Variants in CKAP2L observed in about 807,000 individuals in gnomAD.
CKAP2L encodes cytoskeleton associated protein 2L.
A neutral mutation model predicts 65.7 loss-of-function variants in CKAP2L; 42 were observed. The ratio of observed to expected loss-of-function variants is 0.64; its 90% CI spans 0.50 to 0.83. The LOEUF is 0.83. Among genes scored for constraint, CKAP2L ranks in the 40% least tolerant of loss-of-function variants. CKAP2L has a pLI of 0.00. For synonymous variants in CKAP2L, 325 were observed against 313.5 expected (o/e 1.04, Z -0.39); for missense variants, 908 against 871.0 (o/e 1.04, Z -0.53).
At chr2:112,739,512 G>A (rs931992477) in intron 8 of CKAP2L, among the ~76,000 whole-genome samples, 4 of 152,206 alleles carry the variant, frequency 2.6e-5, no homozygotes, top group African/African-American at 9.7e-5. Flanking sequence ...ATTGAATGAA[G>A]TATGAAGTGT....
chr2:112,742,356 G>C (rs1680035858), intron 7 of CKAP2L: 1 of 716,814 alleles, frequency 1.4e-6, no homozygotes, highest in Admixed American at 2.0e-5. Flanking sequence ...TGAGTATGTT[G>C]GTGGGTTTAT....
chr2:112,750,166 C>T (rs1680322618), intron 5 of CKAP2L, among the ~76,000 whole-genome samples: 1 of 152,188 alleles, frequency 6.6e-6, no homozygotes, highest in Non-Finnish European at 1.5e-5. Context: ...ATACCCTAAC[C>T]TCTCTTTGTT....
chr2:112,755,959 A>C lies in CKAP2L; in HGVS notation c.1394+18T>G. 1 of 1,532,222 alleles carries C rather than the reference A, an allele frequency of 6.5e-7. No homozygotes were observed. Among genetic ancestry groups the C allele is most frequent in the African/African-American group, 1.4e-5 (1 of 72,050 alleles). The allele number at this position is 1,532,222 out of a possible 1,614,324, so 94.9% of individuals were successfully genotyped here. On this transcript the variant is annotated intron_variant, in intron 4 of 8. Coordinates refer to ENST00000302450, the MANE Select transcript of CKAP2L (RefSeq NM_152515.5). ...TAATCATCTTAAGTTGCAAAAGCTTAGAATTAAAGCAAAGTACCTTCGATC... is the reference window on the plus strand; with the variant it reads ...TAATCATCTTAAGTTGCAAAAGCTTCGAATTAAAGCAAAGTACCTTCGATC...
intron 5 of CKAP2L, among the ~76,000 whole-genome samples, chr2:112,747,502 TGTAA>T (rs2104869969): frequency 6.6e-6 from 1 of 152,262 alleles, no homozygotes; most frequent in Non-Finnish European, 1.5e-5. Flanking sequence ...GGTGTATATG[TGTAA>T]GTGTCAGGGA....
At position 112,757,115 on chromosome 2, in the gene CKAP2L, C is replaced by A. The variant is rs770387715; in HGVS notation, c.256G>T (p.Ala86Ser). Reference protein sequence around the residue: ...IKLQPRPPNTAGSQKPKLEPP... With the variant: ...IKLQPRPPNTSGSQKPKLEPP... ...TCCAACTTCGGCTTCTGGGACCCTG[C>A]AGTATTAGGTGGTCTGGGCTGGAGT... The change falls in exon 4 of 9, where the codon GCA (alanine) becomes TCA (serine). Residue 86 changes from alanine (A) to serine (S), a missense_variant. Coordinates refer to ENST00000302450, the MANE Select transcript of CKAP2L (RefSeq NM_152515.5). 3.1e-6 allele frequency: 5 copies of A among 1,614,082 alleles called. No homozygotes were observed. The South Asian group carries it at 4.4e-5, about 14-fold the overall frequency.
chr2:112,753,227 C>T (rs1680431496), intron 4 of CKAP2L, among the ~76,000 whole-genome samples: 1 of 152,192 alleles, frequency 6.6e-6, no homozygotes, highest in African/African-American at 2.4e-5. Context: ...GTAAAACCCA[C>T]CGCCTAGTTG....
At chr2:112,739,119 TTA>T in intron 8 of CKAP2L, 71 bp from the exon 9 acceptor site, 1 of 1,190,114 alleles carries the variant, frequency 8.4e-7, no homozygotes, top group South Asian at 1.4e-5. Context: ...TTTTTGTTTC[TTA>T]TTCAATAATA....
intron 1 of CKAP2L, chr2:112,763,591 A>T (rs1406402487): frequency 1.3e-5 from 2 of 151,992 alleles, no homozygotes; most frequent in East Asian, 3.9e-4. Context: ...GAAAAGAAGT[A>T]TGGGAGTTCA....
In CKAP2L at chr2:112,746,502, A is replaced by T; in HGVS notation, c.1676T>A (p.Ile559Asn). 14 of 1,613,462 alleles carry T rather than the reference A, an allele frequency of 8.7e-6. No individual in the cohort carries two copies. The highest frequency in any genetic ancestry group is 1.2e-5 in the Non-Finnish European group (14 of 1,179,478). The change falls in exon 6 of 9, where the codon ATC (isoleucine) becomes AAC (asparagine). Residue 559 changes from isoleucine (I) to asparagine (N), a missense_variant. Physicochemically the swap from Ile to Asn is moderately radical, Grantham distance 149. Transcript: ENST00000302450. ...PEAEKFAKFWICKAKLLASKG... is the reference protein window; with the variant it reads ...PEAEKFAKFWNCKAKLLASKG... ...ACTTGCCAACAACTTTGCTTTGCAG[A>T]TCCAGAATTTAGCAAATTTTTCAGC...
chr2:112,755,501 A>G (rs1680502398), intron 4 of CKAP2L, among the ~76,000 whole-genome samples: 1 of 152,020 alleles, frequency 6.6e-6, no homozygotes, highest in Non-Finnish European at 1.5e-5. Flanking sequence ...GCTTGAGCTT[A>G]CTGGCCAAAA....
At chr2:112,761,443 AGAGT>A (rs1680716909) in intron 2 of CKAP2L, among the ~76,000 whole-genome samples, 1 of 146,402 alleles carries the variant, frequency 6.8e-6, no homozygotes, top group Non-Finnish European at 1.5e-5. Context: ...CCTGGGCAAC[AGAGT>A]GAGACTCCGT....
At position 112,746,481 on chromosome 2, in the gene CKAP2L, G is replaced by A. The variant is rs1206967804; in HGVS notation, c.1697C>T (p.Ala566Val). Reference protein sequence around the residue: ...KFWICKAKLLASKGTFDVIGL... With the variant: ...KFWICKAKLLVSKGTFDVIGL... Reference sequence around the variant, plus strand: ...AATAACATCAAAGGTGCCTTTACTTGCCAACAACTTTGCTTTGCAGATCCA... The same window carrying A: ...AATAACATCAAAGGTGCCTTTACTTACCAACAACTTTGCTTTGCAGATCCA... Residue 566 changes from alanine to valine, a missense_variant, in exon 6 of 9, where the codon GCA becomes GTA. Transcript: ENST00000302450. 1.2e-6 allele frequency: 2 copies of A among 1,612,976 alleles called. No homozygotes were observed. Among genetic ancestry groups the A allele is most frequent in the African/African-American group, 2.7e-5 (2 of 74,872 alleles).
intron 6 of CKAP2L, 27 bp from the exon 7 acceptor site, chr2:112,742,796 A>T (rs1362063003): frequency 6.4e-7 from 1 of 1,556,628 alleles, no homozygotes; most frequent in Admixed American, 1.9e-5. Context: ...AAACATACAA[A>T]ATCTTAAAAA....
At chr2:112,760,546 T>A (rs1214959424) in intron 3 of CKAP2L, among the ~76,000 whole-genome samples, 167 bp downstream of exon 3, 1 of 152,224 alleles carries the variant, frequency 6.6e-6, no homozygotes. Flanking sequence ...TTTCAAAAAA[T>A]GTCATACTTT....
chr2:112,764,582 G>GA lies in CKAP2L; in HGVS notation c.16_17insT (p.Pro6LeufsTer38). On this transcript the variant is annotated frameshift_variant, in exon 1 of 9. Coordinates refer to ENST00000302450, the MANE Select transcript of CKAP2L (RefSeq NM_152515.5). LOFTEE classifies it high-confidence loss of function. ...CTCACCGACAGCGGCAGCAGCGGTA[G>GA]GCCCGGGCCCCACCATGACTCTTCA... is the stretch of plus-strand genomic sequence containing the variant. 1 of 1,614,212 alleles carries GA rather than the reference G, an allele frequency of 6.2e-7. No homozygotes were observed. Among genetic ancestry groups the GA allele is most frequent in the Non-Finnish European group, 8.5e-7 (1 of 1,180,022 alleles).
chr2:112,761,426 A>G (rs1201298327), intron 2 of CKAP2L, among the ~76,000 whole-genome samples: 1 of 141,050 alleles, frequency 7.1e-6, no homozygotes, highest in Non-Finnish European at 1.5e-5. Context: ...GCGCCACTGC[A>G]CTCCAGCCTG....
Position 112,738,467 on chromosome 2 carries a change from G to A in CKAP2L, c.*356C>T. 4.5e-6 allele frequency: 1 copy of A among 220,860 alleles called. No homozygotes were observed. Among genetic ancestry groups the A allele is most frequent in the Non-Finnish European group, 9.1e-6 (1 of 110,426 alleles). 13.7% of individuals were successfully genotyped at this position (220,860 alleles called of 1,614,324 possible). On this transcript the variant is annotated 3_prime_UTR_variant, in exon 9 of 9. Transcript: ENST00000302450. Reference sequence around the variant, plus strand: ...GAAAGAACTTGCCCTCTGCTAAGGTGGATGCAGAAAGAAAAGTCCCATTAT... The same window carrying A: ...GAAAGAACTTGCCCTCTGCTAAGGTAGATGCAGAAAGAAAAGTCCCATTAT...
chr2:112,760,703 T>C lies in CKAP2L; in HGVS notation c.156+10A>G. On this transcript the variant is annotated intron_variant, in intron 3 of 8. Coordinates refer to ENST00000302450, the MANE Select transcript of CKAP2L (RefSeq NM_152515.5). ...AATGCATATTTTTAAAAAGACTAAT[T>C]TCTACTTACAGATTTAGAAGGTGGT... The C allele has an allele frequency of 7.1e-7, 1 of 1,398,728 alleles. No homozygotes were observed. The highest frequency in any genetic ancestry group is 1.0e-6 in the Non-Finnish European group (1 of 1,004,526). 86.6% of individuals were successfully genotyped at this position (1,398,728 alleles called of 1,614,324 possible). A position where few individuals can be genotyped will look rare whatever the true frequency, so the allele number is the denominator to read the frequency against.
At position 112,738,769 on chromosome 2, in the gene CKAP2L, TTTC is replaced by T; in HGVS notation, c.*51_*53del. The T allele has an allele frequency of 8.3e-7, 1 of 1,209,054 alleles. No homozygotes were observed. The highest frequency in any genetic ancestry group is 1.2e-6 in the Non-Finnish European group (1 of 819,452). The allele number at this position is 1,209,054 out of a possible 1,614,324, so 74.9% of individuals were successfully genotyped here. A position where few individuals can be genotyped will look rare whatever the true frequency, so the allele number is the denominator to read the frequency against. ...TTTCCAGGTCACTTGGACAAGAATA[TTTC>T]TTGTCTTATGTTGGTTCTGAAACAC... On this transcript the variant is annotated 3_prime_UTR_variant, in exon 9 of 9. Transcript: ENST00000302450.
Sources: allele counts gnomAD v4.1 joint callset (sites outside exome capture counted in the v4.1 genomes callset), GRCh38; gene constraint gnomAD v4.1.1; transcripts MANE v1.5; gene names NCBI Gene and HGNC (gene_info 2026-07-23, HGNC 2026-07-21).